Variants in APOC3 observed in about 807,000 individuals in gnomAD.
APOC3 encodes apolipoprotein C-III.
A neutral mutation model predicts 7.3 loss-of-function variants in APOC3; 6 were observed. The ratio of observed to expected loss-of-function variants is 0.82; its 90% CI spans 0.45 to 1.61. The LOEUF (loss-of-function observed/expected upper bound fraction) is 1.61, where lower values mean the gene tolerates loss of function less well. Among genes scored for constraint, APOC3 ranks in the 40% most tolerant of loss-of-function variants. The pLI, the probability that APOC3 is intolerant of heterozygous loss-of-function variation, is 0.01. For synonymous variants in APOC3, 45 were observed against 51.2 expected, an observed-to-expected ratio of 0.88 and a Z score of 0.52; for missense variants, 123 against 124.9, an observed-to-expected ratio of 0.98 and a Z score of 0.07.
intron 2 of APOC3, 34 bp downstream of exon 2, chr11:116,830,671 G>A: frequency 6.2e-7 from 1 of 1,613,588 alleles, no homozygotes. Context: ...TGGGGGCAGG[G>A]TGGAGGCAAC....
chr11:116,831,087 G>A lies in APOC3; in HGVS notation c.179+191G>A. The A allele has an allele frequency of 4.2e-6, 3 of 713,882 alleles. 1 individual carries two copies. In the South Asian group the frequency reaches 5.4e-5, roughly 13 times the overall value. The allele number at this position is 713,882 out of a possible 1,614,324, so 44.2% of individuals were successfully genotyped here. A position where few individuals can be genotyped will look rare whatever the true frequency, so the allele number is the denominator to read the frequency against. On this transcript the variant is annotated intron_variant, in intron 3 of 3. Transcript: ENST00000227667. ...CGGGAGAGATGACAGAGTTGAGACTGCATTCCTCCCAGGTCCCTCCTTTCT... is the reference window on the plus strand; with the variant it reads ...CGGGAGAGATGACAGAGTTGAGACTACATTCCTCCCAGGTCCCTCCTTTCT...
rs890106293 is a variant in APOC3 at position 116,830,447 on chromosome 11, C to T, written c.-13-123C>T. 20 of 994,304 alleles carry T rather than the reference C, an allele frequency of 2.0e-5. No individual in the cohort carries two copies. The Admixed American group carries it at 3.2e-4, about 16-fold the overall frequency. 61.6% of individuals were successfully genotyped at this position (994,304 alleles called of 1,614,324 possible). A position where few individuals can be genotyped will look rare whatever the true frequency, so the allele number is the denominator to read the frequency against. ...TCTGAGAGCCCGTATTAGCAGGGAG[C>T]CGGCCCCTACTCCTTCTGGCAGACC... On this transcript the variant is annotated intron_variant, in intron 1 of 3. Transcript: ENST00000227667.
At chr11:116,830,701 T>C (rs1198327837) in intron 2 of APOC3, 64 bp downstream of exon 2, 11 of 1,612,976 alleles carry the variant, frequency 6.8e-6, no homozygotes, top group East Asian at 2.2e-5. Context: ...CCAGTCCCAA[T>C]GGGTGGTCAA....
In APOC3 at chr11:116,832,816, A is replaced by G. The variant is rs121918382; in HGVS notation, c.232A>G (p.Lys78Glu). ...SSLKDYWSTV[K>E]DKFSEFWDLD... ...CCTGAAAGACTACTGGAGCACCGTT[A>G]AGGACAAGTTCTCTGAGTTCTGGGA... Residue 78 changes from lysine (K) to glutamate (E), a missense_variant, in exon 4 of 4, where the codon AAG becomes GAG. Physicochemically the swap from Lys to Glu is moderately conservative, Grantham distance 56. Coordinates refer to ENST00000227667, the MANE Select transcript of APOC3 (RefSeq NM_000040.3). 6.2e-7 allele frequency: 1 copy of G among 1,614,084 alleles called. No individual in the cohort carries two copies. The highest frequency in any genetic ancestry group is 8.5e-7 in the Non-Finnish European group (1 of 1,179,998).
chr11:116,831,592 T>A (rs1941461377), intron 3 of APOC3, among the ~76,000 whole-genome samples: 1 of 152,110 alleles, frequency 6.6e-6, no homozygotes, highest in South Asian at 2.1e-4. Flanking sequence ...CTTGAATTCC[T>A]GACCTCAGGG....
chr11:116,830,605 T>C lies in APOC3; in HGVS notation c.23T>C (p.Val8Ala). The C allele has an allele frequency of 1.2e-6, 2 of 1,613,994 alleles. No homozygotes were observed. The highest frequency in any genetic ancestry group is 1.7e-6 in the Non-Finnish European group (2 of 1,179,990). The stretch of plus-strand genomic sequence containing the variant: ...GCCATGCAGCCCCGGGTACTCCTTG[T>C]TGTTGCCCTCCTGGCGCTCCTGGCC... Reference protein sequence around the residue: MQPRVLLVVALLALLASA... With the variant: MQPRVLLAVALLALLASA... The change falls in exon 2 of 4, where the codon GTT becomes GCT. Residue 8 changes from valine (V) to alanine (A), a missense_variant. Coordinates refer to ENST00000227667, the MANE Select transcript of APOC3 (RefSeq NM_000040.3).
At chr11:116,831,013 G>C in intron 3 of APOC3, 117 bp downstream of exon 3, 1 of 1,291,872 alleles carries the variant, frequency 7.7e-7, no homozygotes, top group South Asian at 1.3e-5. Flanking sequence ...CCCTGGGCCT[G>C]TGCCTCTTCA....
At chr11:116,831,646 T>G (rs645901) in intron 3 of APOC3, among the ~76,000 whole-genome samples, 1 of 152,034 alleles carries the variant, frequency 6.6e-6, no homozygotes, top group Admixed American at 6.6e-5. Flanking sequence ...ATTACAGGCA[T>G]GAGCCACTGC....
intron 3 of APOC3, among the ~76,000 whole-genome samples, chr11:116,832,152 C>T (rs1396973076): frequency 6.6e-6 from 1 of 152,196 alleles, no homozygotes; most frequent in African/African-American, 2.4e-5. Context: ...CCTGCCCCTG[C>T]CCATCAGTAC....
rs1427282118 is a variant in APOC3 at position 116,830,785 on chromosome 11, C to G, written c.68C>G (p.Ala23Gly). The change falls in exon 3 of 4, where the codon GCC (alanine) becomes GGC (glycine). Residue 23 changes from alanine (A) to glycine (G), a missense_variant. Physicochemically the swap from Ala to Gly is moderately conservative, Grantham distance 60 (BLOSUM62 0). Coordinates refer to ENST00000227667, the MANE Select transcript of APOC3 (RefSeq NM_000040.3). ...GCTCTTTCCTCAGGAGCTTCAGAGG[C>G]CGAGGATGCCTCCCTTCTCAGCTTC... ...ALLASARASE[A>G]EDASLLSFMQ... The G allele has an allele frequency of 6.8e-6, 11 of 1,613,392 alleles. No individual in the cohort carries two copies. Among genetic ancestry groups the G allele is most frequent in the Non-Finnish European group, 9.3e-6 (11 of 1,179,980 alleles).
rs752676984 is a variant in APOC3, at chr11:116,832,879, G to T, written c.295G>T (p.Ala99Ser). 1.2e-5 allele frequency: 19 copies of T among 1,613,666 alleles called. No individual in the cohort carries two copies. The highest frequency in any genetic ancestry group is 2.5e-6 in the Non-Finnish European group (3 of 1,180,050). ...PEVRPTSAVA[A>S] ...GGTCAGACCAACTTCAGCCGTGGCT[G>T]CCTGAGACCTCAATACCCCAAGTCC... Residue 99 changes from alanine to serine, a missense_variant, in exon 4 of 4, where the codon GCC becomes TCC. Ala to Ser is a moderately conservative substitution (Grantham distance 99). Transcript: ENST00000227667.
chr11:116,831,286 TTCTTTCTTTCTTTCCTTTCTTTC>T (rs1338497267), intron 3 of APOC3, among the ~76,000 whole-genome samples: 11 of 4,304 alleles, frequency 2.6e-3, no homozygotes, highest in African/African-American at 6.6e-3. Flanking sequence ...TTTCTTTCCT[TTCTTTCTTTCTTTCCTTTCTTTC>T]TCTTTCTTTC....
rs1312786051 is a variant in APOC3 at position 116,830,570 on chromosome 11, G to A, written c.-13G>A. ...CCCCTCACAGGACACTTCCTTGCAG[G>A]AACAGAGGTGCCATGCAGCCCCGGG... On this transcript the variant is annotated splice_region_variant and 5_prime_UTR_variant, in exon 2 of 4. Transcript: ENST00000227667. 1.2e-6 allele frequency: 2 copies of A among 1,613,848 alleles called. No homozygotes were observed. Among genetic ancestry groups the A allele is most frequent in the Non-Finnish European group, 1.7e-6 (2 of 1,180,008 alleles).
intron 3 of APOC3, among the ~76,000 whole-genome samples, chr11:116,831,874 C>G (rs925993722): frequency 1.3e-5 from 2 of 152,220 alleles, no homozygotes; most frequent in Non-Finnish European, 2.9e-5. Flanking sequence ...AGGGTTCACA[C>G]TCCTATGAGA....
At position 116,833,012 on chromosome 11, in the gene APOC3, T is replaced by C; in HGVS notation, c.*128T>C. On this transcript the variant is annotated 3_prime_UTR_variant, in exon 4 of 4. Coordinates refer to ENST00000227667, the MANE Select transcript of APOC3 (RefSeq NM_000040.3). Reference sequence around the variant, plus strand: ...CTCAGTGCTCTCCTACCCCACCTCATGCCTGGCCCCCCTCCAGGCATGCTG... The same window carrying C: ...CTCAGTGCTCTCCTACCCCACCTCACGCCTGGCCCCCCTCCAGGCATGCTG... 7.4e-7 allele frequency: 1 copy of C among 1,345,338 alleles called. No individual in the cohort carries two copies. The allele number at this position is 1,345,338 out of a possible 1,614,324, so 83.3% of individuals were successfully genotyped here.
intron 3 of APOC3, 100 bp from the exon 4 acceptor site, chr11:116,832,664 C>A: frequency 6.4e-7 from 1 of 1,564,038 alleles, no homozygotes; most frequent in Non-Finnish European, 8.8e-7. Context: ...GTGGTGTGGT[C>A]CTGACTGGTG....
At chr11:116,831,257 C>T (rs865916251) in intron 3 of APOC3, among the ~76,000 whole-genome samples, 3 of 59,712 alleles carry the variant, frequency 5.0e-5, no homozygotes, top group East Asian at 4.8e-4. Context: ...TTCTTTCTTT[C>T]CTTTCTTTCT....
At chr11:116,831,391 G>A (rs1941459103) in intron 3 of APOC3, among the ~76,000 whole-genome samples, 1 of 129,218 alleles carries the variant, frequency 7.7e-6, no homozygotes, top group Non-Finnish European at 1.6e-5. Flanking sequence ...TTTTAATGGA[G>A]TCTCCCTCTG....
rs569422691 is a variant in APOC3 at position 116,830,764 on chromosome 11, T to G, written c.56-9T>G. ...CGATCCACCCCACTCAGCCCTGCTC[T>G]TTCCTCAGGAGCTTCAGAGGCCGAG... is the stretch of plus-strand genomic sequence containing the variant. On this transcript the variant is annotated splice_polypyrimidine_tract_variant and intron_variant, in intron 2 of 3. Transcript: ENST00000227667. 1 of 1,613,296 alleles carries G rather than the reference T, an allele frequency of 6.2e-7. No individual in the cohort carries two copies. The highest frequency in any genetic ancestry group is 1.1e-5 in the South Asian group (1 of 91,060).
Sources: gnomAD v4.1 joint callset for allele counts (sites outside exome capture counted in the v4.1 genomes callset) on GRCh38, gnomAD v4.1.1 for gene constraint, MANE v1.5 for transcripts, NCBI Gene and HGNC (gene_info 2026-07-23, HGNC 2026-07-21) for gene names.